PTPN14: variants seen among roughly 807,000 people sequenced by gnomAD.
The protein encoded by PTPN14 is tyrosine-protein phosphatase non-receptor type 14.
Under a neutral mutation model 126.8 loss-of-function variants are expected in PTPN14, and 53 were observed. The observed-to-expected ratio is 0.42, with a 90% CI of 0.34 to 0.53. PTPN14 has a LOEUF of 0.53. PTPN14 is among the 20% of genes least tolerant of loss of function. The pLI is 0.08. For synonymous variants in PTPN14, 630 were observed against 599.3 expected (o/e 1.05, Z -0.75); for missense variants, 1,257 against 1,552.9 (o/e 0.81, Z 3.20).
chr1:214,479,386 C>A (rs1260035272), intron 1 of PTPN14, among the ~76,000 whole-genome samples: 1 of 149,500 alleles, frequency 6.7e-6, no homozygotes, highest in Non-Finnish European at 1.5e-5. Context: ...GTCGCCCAGG[C>A]TGGAGTGCAA....
intron 17 of PTPN14, among the ~76,000 whole-genome samples, chr1:214,368,215 T>TATTTATTTA (rs1283312032): frequency 6.6e-6 from 1 of 151,728 alleles, no homozygotes; most frequent in South Asian, 2.1e-4. Context: ...TTTATTTATT[T>TATTTATTTA]ATTTATTTTT....
intron 18 of PTPN14, among the ~76,000 whole-genome samples, chr1:214,361,295 T>C (rs1282490015): frequency 6.6e-6 from 1 of 152,198 alleles, no homozygotes; most frequent in Non-Finnish European, 1.5e-5. Flanking sequence ...TACGATATTA[T>C]TTTCAATGTT....
chr1:214,528,826 G>A (rs954749017), intron 1 of PTPN14: 2 of 152,192 alleles, frequency 1.3e-5, no homozygotes, highest in East Asian at 3.9e-4. Flanking sequence ...AGCTACTCAG[G>A]AGACTGAGGC....
At chr1:214,495,752 T>C (rs543584893) in intron 1 of PTPN14, among the ~76,000 whole-genome samples, 4 of 152,280 alleles carry the variant, frequency 2.6e-5, no homozygotes, top group African/African-American at 9.6e-5. Context: ...TGGAGTGCAA[T>C]GGTGCGATCT....
At chr1:214,429,021 C>T (rs935829373) in intron 3 of PTPN14, among the ~76,000 whole-genome samples, 5 of 152,204 alleles carry the variant, frequency 3.3e-5, no homozygotes, top group Admixed American at 6.5e-5. Context: ...ACCGACTTTA[C>T]ATTAGTAAAC....
intron 1 of PTPN14, among the ~76,000 whole-genome samples, chr1:214,505,880 A>G (rs768981132): frequency 3.9e-5 from 6 of 152,204 alleles, no homozygotes; most frequent in Non-Finnish European, 8.8e-5. Context: ...TGGACAACAG[A>G]GTTAGACTTT....
chr1:214,415,968 T>C (rs931136880), intron 3 of PTPN14, among the ~76,000 whole-genome samples: 1 of 152,188 alleles, frequency 6.6e-6, no homozygotes, highest in African/African-American at 2.4e-5. Context: ...GAATGGTAAA[T>C]TTCACTGATT....
intron 17 of PTPN14, among the ~76,000 whole-genome samples, chr1:214,365,365 C>T (rs554481244): frequency 1.1e-4 from 17 of 152,180 alleles, no homozygotes; most frequent in Admixed American, 1.0e-3. Flanking sequence ...GGGAGGGGTG[C>T]GTTCATGACT....
At chr1:214,427,134 C>A (rs1295701225) in intron 3 of PTPN14, among the ~76,000 whole-genome samples, 2 of 151,832 alleles carry the variant, frequency 1.3e-5, no homozygotes, top group African/African-American at 2.4e-5. Flanking sequence ...CAAAAATTAG[C>A]CAGGCATGGT....
chr1:214,383,270 C>T lies in PTPN14; in HGVS notation c.2544+41G>A. 6.3e-7 allele frequency: 1 copy of T among 1,583,904 alleles called. No individual in the cohort carries two copies. Among genetic ancestry groups the T allele is most frequent in the South Asian group, 1.2e-5 (1 of 86,282 alleles). The stretch of plus-strand genomic sequence containing the variant: ...CCTTGCTCAGTGCCTGAAGCATGTG[C>T]TTTCACACTGGAAAATGCCCTGGGA... On this transcript the variant is annotated intron_variant, in intron 13 of 18. Transcript: ENST00000366956. This position sits in a 1 kb window ranked among gnomAD's most constrained non-coding sequence, Gnocchi z 4.4.
intron 1 of PTPN14, chr1:214,530,851 A>G (rs1655527679): frequency 6.6e-6 from 1 of 152,144 alleles, no homozygotes; most frequent in South Asian, 2.1e-4. Context: ...TTCAATATAA[A>G]CAAGCACCCT....
intron 7 of PTPN14, among the ~76,000 whole-genome samples, chr1:214,400,388 G>A (rs919916185): frequency 1.3e-5 from 2 of 152,166 alleles, no homozygotes; most frequent in African/African-American, 4.8e-5. Flanking sequence ...TCAGTTACCC[G>A]AGCTTGGCAA....
chr1:214,509,308 T>C (rs1558135035), intron 1 of PTPN14, among the ~76,000 whole-genome samples: 3 of 152,256 alleles, frequency 2.0e-5, no homozygotes, highest in Non-Finnish European at 4.4e-5. Flanking sequence ...CAGCACTTGC[T>C]GCTTAAACTT....
intron 3 of PTPN14, among the ~76,000 whole-genome samples, chr1:214,442,885 G>C (rs1660066112): frequency 6.7e-6 from 1 of 150,356 alleles, no homozygotes; most frequent in Non-Finnish European, 1.5e-5. Context: ...GTGCTATGGT[G>C]CGATCTCCGC....
At chr1:214,514,643 T>C (rs1001879777) in intron 1 of PTPN14, among the ~76,000 whole-genome samples, 23 of 152,128 alleles carry the variant, frequency 1.5e-4, no homozygotes, top group African/African-American at 5.3e-4. Flanking sequence ...CGGGCGGGGC[T>C]GACTCAGGCA....
intron 1 of PTPN14, among the ~76,000 whole-genome samples, chr1:214,472,941 TTGAGA>T (rs1000995344): frequency 2.0e-5 from 3 of 152,236 alleles, no homozygotes; most frequent in Non-Finnish European, 4.4e-5. Context: ...AAGCAATTCG[TTGAGA>T]TATTTGCTCT....
rs1350296809 is a variant in PTPN14 at position 214,364,479 on chromosome 1, G to A, written c.3435+33C>T. 4.4e-6 allele frequency: 7 copies of A among 1,605,292 alleles called. No individual in the cohort carries two copies. The highest frequency in any genetic ancestry group is 6.0e-6 in the Non-Finnish European group (7 of 1,174,588). On this transcript the variant is annotated intron_variant, in intron 18 of 18. Transcript: ENST00000366956. The surrounding 1 kb of genome is among the most constrained non-coding windows in gnomAD (Gnocchi z 4.1). Reference sequence around the variant, plus strand: ...CAGGGTGTAGACTTGTCCCCAAGGTGGAGTATCCGGAGAGAAGCCCAGAAT... The same window carrying A: ...CAGGGTGTAGACTTGTCCCCAAGGTAGAGTATCCGGAGAGAAGCCCAGAAT...
intron 5 of PTPN14, among the ~76,000 whole-genome samples, chr1:214,403,624 A>G (rs1274926928): frequency 6.6e-6 from 1 of 152,084 alleles, no homozygotes; most frequent in Non-Finnish European, 1.5e-5. Context: ...TTTCCCAACT[A>G]CCCTTCCGTA....
intron 11 of PTPN14, among the ~76,000 whole-genome samples, chr1:214,388,802 G>A (rs1412376840): frequency 6.6e-6 from 1 of 152,098 alleles, no homozygotes. Flanking sequence ...ATCCAGCAGG[G>A]GTCACACTTT....
Sources: allele counts gnomAD v4.1 joint callset (sites outside exome capture counted in the v4.1 genomes callset), GRCh38; gene constraint gnomAD v4.1.1; non-coding constraint Gnocchi (gnomAD v3.1); transcripts MANE v1.5; gene names NCBI Gene and HGNC (gene_info 2026-07-23, HGNC 2026-07-21).